TMPRSS9: variants seen among roughly 807,000 people sequenced by gnomAD.
TMPRSS9 encodes transmembrane protease serine 9.
In TMPRSS9, 113 loss-of-function variants were observed where a neutral mutation model predicts 111.4. The ratio of observed to expected loss-of-function variants is 1.01; its 90% CI spans 0.87 to 1.19. The LOEUF is 1.19. Among genes scored for constraint, TMPRSS9 ranks in the 50% most tolerant of loss-of-function variants. The probability of loss-of-function intolerance (pLI) is 0.00; values close to 1 mark genes in which losing one functional copy is unlikely to be tolerated. For missense variants in TMPRSS9, 1,803 were observed against 1,513.1 expected (o/e 1.19, Z -3.18); for synonymous variants, 805 against 659.1 (o/e 1.22, Z -3.39).
chr19:2,416,789 G>T (rs1011709251), exon 12 of TMPRSS9: 2 of 1,610,624 alleles, frequency 1.2e-6, no homozygotes, highest in Non-Finnish European at 8.5e-7. Context: ...TCCGGATGGG[G>T]AAATACGCAG....
At chr19:2,407,598 C>CTT (rs1555679323) in intron 7 of TMPRSS9, among the ~76,000 whole-genome samples, 2 of 47,280 alleles carry the variant, frequency 4.2e-5, no homozygotes, top group South Asian at 9.0e-4. Flanking sequence ...TGATTTTTTT[C>CTT]TTTTCTTTTC....
chr19:2,425,906 CCTTT>C lies in TMPRSS9; in HGVS notation c.3121-17_3121-14del, dbSNP rs1476565336. ...AGGGGAGGTACCGGCCTCTGAACCC[CCTTT>C]CTTCTCTCCCCAACAGGGTGACGCT... On this transcript the variant is annotated splice_polypyrimidine_tract_variant and intron_variant, in intron 17 of 17. Coordinates refer to ENST00000648592, the Ensembl canonical transcript of TMPRSS9. The C allele has an allele frequency of 7.0e-6, 11 of 1,573,458 alleles. No homozygotes were observed. The highest frequency in any genetic ancestry group is 9.4e-6 in the Non-Finnish European group (11 of 1,166,044).
rs1568182945 is a variant in TMPRSS9 at position 2,407,613 on chromosome 19, T to TTTTCTTTC, written c.843-740_843-739insCTTTCTTT. ...TGATTTTTTTCTTTTCTTTTCTTTT[T>TTTTCTTTC]TTTTTTTTTTTTTTTTGAGACAGGT... On this transcript the variant is annotated intron_variant, in intron 7 of 17. Transcript: ENST00000648592. Among the ~76,000 whole-genome samples, 9 of 26,718 alleles carry TTTTCTTTC rather than the reference T, an allele frequency of 3.4e-4. No individual in the cohort carries two copies. In the East Asian group the frequency reaches 8.2e-3, roughly 24 times the overall value. 17.5% of individuals were successfully genotyped at this position (26,718 alleles called of 152,430 possible).
At chr19:2,425,648 C>A in intron 17 of TMPRSS9, 155 bp downstream of exon 18, 3 of 1,347,876 alleles carry the variant, frequency 2.2e-6, no homozygotes, top group Non-Finnish European at 2.9e-6. Context: ...GGAGGAATTT[C>A]CACTCCACAG....
At chr19:2,379,330 T>C (rs143114111) in intron 1 of TMPRSS9, among the ~76,000 whole-genome samples, 15,942 of 151,512 alleles carry the variant, frequency 0.11, 1,645 homozygotes, top group African/African-American at 0.27. Flanking sequence ...GGACTACAGG[T>C]GCCCGCCACC....
chr19:2,416,980 C>T (rs1303328617), intron 12 of TMPRSS9, among the ~76,000 whole-genome samples, 171 bp downstream of exon 13: 1 of 152,162 alleles, frequency 6.6e-6, no homozygotes, highest in African/African-American at 2.4e-5. Flanking sequence ...TCTCACTTCC[C>T]CATTCCATCT....
At chr19:2,368,508 G>A (rs546254977) in intron 1 of TMPRSS9, among the ~76,000 whole-genome samples, 2 of 152,142 alleles carry the variant, frequency 1.3e-5, no homozygotes, top group African/African-American at 2.4e-5. Flanking sequence ...GATGAGGACA[G>A]TTAGACCCGG....
At chr19:2,393,821 C>G (rs77452974) in intron 1 of TMPRSS9, among the ~76,000 whole-genome samples, 2 of 149,478 alleles carry the variant, frequency 1.3e-5, no homozygotes, top group Admixed American at 6.7e-5. Flanking sequence ...TTGCTTGAAC[C>G]CGGGAAGTGG....
At chr19:2,364,745 G>A (rs1970234898) in intron 1 of TMPRSS9, among the ~76,000 whole-genome samples, 1 of 151,978 alleles carries the variant, frequency 6.6e-6, no homozygotes, top group South Asian at 2.1e-4. Context: ...CAGCACTTTG[G>A]GAGGCTGAGG....
intron 2 of TMPRSS9, 93 bp from the exon 4 acceptor site, chr19:2,398,702 T>C (rs939647063): frequency 7.9e-5 from 66 of 834,528 alleles, no homozygotes; most frequent in Non-Finnish European, 9.3e-5. Context: ...ACCAACCCCT[T>C]CTCCAGCTCC....
At chr19:2,424,159 G>T in exon 15 of TMPRSS9, 1 of 1,459,214 alleles carries the variant, frequency 6.9e-7, no homozygotes. Flanking sequence ...GGGAGTGGCC[G>T]TGGCAGGTGA....
intron 8 of TMPRSS9, among the ~76,000 whole-genome samples, chr19:2,409,990 A>C (rs180818545): frequency 6.6e-6 from 1 of 152,202 alleles, no homozygotes; most frequent in Admixed American, 6.6e-5. Context: ...GAGATGGGGA[A>C]TGCTGAGGGG....
intron 1 of TMPRSS9, among the ~76,000 whole-genome samples, chr19:2,371,233 C>CCTCGTTCACAGTCGCTCA (rs1231215239): frequency 2.6e-5 from 4 of 152,286 alleles, no homozygotes; most frequent in Non-Finnish European, 4.4e-5. Context: ...ATTGCTATTG[C>CCTCGTTCACAGTCGCTCA]CTCGTTCACA....
rs117753644 is a variant in TMPRSS9, at chr19:2,382,992, T to C, written c.-25-6769T>C. On this transcript the variant is annotated intron_variant, in intron 1 of 17. Coordinates refer to the TMPRSS9 transcript ENST00000649857. ...TGGGGAACCTCAGTCTTTTAAGGCC[T>C]TCGACTGATTGGGTGAGGCCCACCA... 4.4e-4 allele frequency among the ~76,000 whole-genome samples: 67 copies of C among 152,290 alleles called. No homozygotes were observed. In the Middle Eastern group the frequency reaches 0.01, roughly 23 times the overall value.
At chr19:2,424,507 C>G (rs1341283761) in intron 15 of TMPRSS9, among the ~76,000 whole-genome samples, 1 of 150,370 alleles carries the variant, frequency 6.7e-6, no homozygotes, top group Non-Finnish European at 1.5e-5. Flanking sequence ...TCCTACCCCG[C>G]GGTCCCCACC....
At chr19:2,401,521 A>G (rs560546255) in intron 4 of TMPRSS9, among the ~76,000 whole-genome samples, 1 of 152,248 alleles carries the variant, frequency 6.6e-6, no homozygotes, top group South Asian at 2.1e-4. Context: ...TCGCTGATTG[A>G]AGGCAGAATT....
intron 1 of TMPRSS9, among the ~76,000 whole-genome samples, chr19:2,365,220 C>G (rs1970239248): frequency 6.6e-6 from 1 of 152,118 alleles, no homozygotes; most frequent in Admixed American, 6.6e-5. Context: ...ATTACTGACT[C>G]CTTTCTCCTC....
rs1568189466 is a variant in TMPRSS9, at chr19:2,418,337, T to TTCCC, written c.2154+205_2154+208dup. Among the ~76,000 whole-genome samples the TTCCC allele has an allele frequency of 1.1e-3, 32 of 30,110 alleles. 1 individual carries two copies. The highest frequency in any genetic ancestry group is 3.2e-3 in the African/African-American group (9 of 2,820). The allele number at this position is 30,110 out of a possible 152,430, so 19.8% of individuals were successfully genotyped here. ...TCCCTCCCTCCCTCCCTCCCTTTCCTTCCCTCCCTTTCCCTCCCTCCCTCC... is the reference window on the plus strand; with the variant it reads ...TCCCTCCCTCCCTCCCTCCCTTTCCTTCCCTCCCTCCCTTTCCCTCCCTCCCTCC... On this transcript the variant is annotated intron_variant, in intron 13 of 17. Transcript: ENST00000648592.
rs751291280 is a variant in TMPRSS9, at chr19:2,413,726, C to CGAG, written c.1285_1287dup (p.Glu429dup). On this transcript the variant is annotated inframe_insertion, in exon 10 of 18. Transcript: ENST00000648592. ...GTGACTCAGGAGGACCCCTGGTCTG[C>CGAG]GAGGAGCCCTCTGGCCGGTTCTTTC... 8.7e-6 allele frequency: 14 copies of CGAG among 1,612,330 alleles called. No individual in the cohort carries two copies. The Admixed American group carries it at 2.3e-4, about 27-fold the overall frequency.
Sources: gnomAD v4.1 joint callset for allele counts (sites outside exome capture counted in the v4.1 genomes callset) on GRCh38, gnomAD v4.1.1 for gene constraint, MANE v1.5 for transcripts, NCBI Gene and HGNC (gene_info 2026-07-23, HGNC 2026-07-21) for gene names.